The following EXOC7 variants were observed in gnomAD, a reference collection of about 807,000 sequenced individuals.
The protein encoded by EXOC7 is exocyst complex component Exo70.
EXOC7 carries 51 observed loss-of-function variants against 87.6 expected under a neutral mutation model. That is an observed-to-expected ratio of 0.58 (90% CI 0.46 to 0.73). EXOC7 has a LOEUF of 0.73. Among genes scored for constraint, EXOC7 ranks in the 30% least tolerant of loss-of-function variants. The pLI, the probability that EXOC7 is intolerant of heterozygous loss-of-function variation, is 0.00. For missense variants in EXOC7, 744 were observed against 888.4 expected (o/e 0.84, Z 2.07); for synonymous variants, 327 against 357.1 (o/e 0.92, Z 0.95).
intron 5 of EXOC7, among the ~76,000 whole-genome samples, chr17:76,097,562 G>A (rs1309826547): frequency 6.6e-6 from 1 of 152,010 alleles, no homozygotes; most frequent in Non-Finnish European, 1.5e-5. Context: ...AACTTAGCCA[G>A]GCATGGTGGC....
chr17:76,099,342 C>A (rs1469930618), intron 4 of EXOC7, among the ~76,000 whole-genome samples: 1 of 152,052 alleles, frequency 6.6e-6, no homozygotes, highest in Non-Finnish European at 1.5e-5. Context: ...CCCGTTTCTA[C>A]TAAAAATACA....
At chr17:76,103,549 G>A in intron 1 of EXOC7, 84 bp downstream of exon 1, 2 of 1,574,680 alleles carry the variant, frequency 1.3e-6, no homozygotes, top group South Asian at 2.3e-5. Context: ...TCCCACCCCT[G>A]CCTCCTCCAT....
At chr17:76,085,565 A>T (rs1294621684) in intron 14 of EXOC7, 112 bp downstream of exon 14, 1 of 1,553,752 alleles carries the variant, frequency 6.4e-7, no homozygotes, top group Non-Finnish European at 8.8e-7. Context: ...AGACTGAAGC[A>T]CCCCCTCCCC....
intron 11 of EXOC7, 44 bp from the exon 12 acceptor site, chr17:76,087,764 G>C: frequency 6.5e-7 from 1 of 1,543,056 alleles, no homozygotes; most frequent in Non-Finnish European, 8.8e-7. Context: ...TGGCAGGCCC[G>C]GCCGACGGCC....
At position 76,091,231 on chromosome 17, in the gene EXOC7, C is replaced by A. The variant is rs1319652692; in HGVS notation, c.813G>T (p.Thr271=). The change falls in exon 7 of 19, where the codon ACG becomes ACT. Residue 271 remains threonine, a synonymous_variant. Coordinates refer to ENST00000589210, the MANE Select transcript of EXOC7 (RefSeq NM_001013839.4). The part of the protein sequence containing the change: ...PTKKPVKRPG[T]IRKAQNLLKQ... ...TCAGAAGGTTCTGAGCCTTACGGAT[C>A]GTCCCTGTCACCAGAGCCACACAGA... The A allele has an allele frequency of 9.9e-6, 16 of 1,613,838 alleles. No homozygotes were observed. In the Admixed American group the frequency reaches 1.3e-4, roughly 13 times the overall value.
rs921532694 is a variant in EXOC7 at position 76,089,386 on chromosome 17, G to A, written c.902-66C>T. The A allele has an allele frequency of 5.5e-5, 88 of 1,588,188 alleles. No homozygotes were observed. In the African/African-American group the frequency reaches 6.2e-4, roughly 11 times the overall value. On this transcript the variant is annotated intron_variant, in intron 7 of 18. Transcript: ENST00000589210. ...AGCCACACTCCTGGCTGGGGGCGGC[G>A]TGGGTCCCCCAGCTCCTGGCCTGTA...
At chr17:76,097,492 T>C (rs568168667) in intron 5 of EXOC7, among the ~76,000 whole-genome samples, 1 of 151,316 alleles carries the variant, frequency 6.6e-6, no homozygotes, top group Admixed American at 6.6e-5. Flanking sequence ...TCACCTGAGG[T>C]CAGAAGTTCA....
At chr17:76,102,295 C>G (rs533425673) in intron 2 of EXOC7, among the ~76,000 whole-genome samples, 1 of 152,124 alleles carries the variant, frequency 6.6e-6, no homozygotes, top group Non-Finnish European at 1.5e-5. Flanking sequence ...GGACTAGAGG[C>G]TGGGCGTGAT....
Position 76,082,035 on chromosome 17 carries a change from C to T in EXOC7, c.*1613G>A. On this transcript the variant is annotated 3_prime_UTR_variant, in exon 19 of 19. Transcript: ENST00000589210. Reference sequence around the variant, plus strand: ...CAGCGAGAGCACGGCAACCCAGGGCCTCATCCTGCTGAAGGTGGGCAGGGG... The same window carrying T: ...CAGCGAGAGCACGGCAACCCAGGGCTTCATCCTGCTGAAGGTGGGCAGGGG... 6.2e-7 allele frequency: 1 copy of T among 1,608,968 alleles called. No individual in the cohort carries two copies. Among genetic ancestry groups the T allele is most frequent in the Non-Finnish European group, 8.5e-7 (1 of 1,178,356 alleles).
rs959361750 is a variant in EXOC7, at chr17:76,087,739, G to A, written c.1363-19C>T. 6.5e-7 allele frequency: 1 copy of A among 1,550,380 alleles called. No homozygotes were observed. The highest frequency in any genetic ancestry group is 1.4e-5 in the African/African-American group (1 of 73,058). On this transcript the variant is annotated intron_variant, in intron 11 of 18. Transcript: ENST00000589210. ...GGATGGCCTGGGTGGGAAGAAAACG[G>A]TGCAGAAGGGCAAGTGGCAGGCCCG...
chr17:76,086,006 A>G, intron 13 of EXOC7, 74 bp downstream of exon 13: 1 of 1,570,990 alleles, frequency 6.4e-7, no homozygotes, highest in Non-Finnish European at 8.7e-7. Flanking sequence ...ATAGCCAGAG[A>G]GCACAGACAG....
chr17:76,095,246 G>A (rs1314851848), intron 5 of EXOC7, among the ~76,000 whole-genome samples: 1 of 150,902 alleles, frequency 6.6e-6, no homozygotes, highest in Non-Finnish European at 1.5e-5. Flanking sequence ...ACAGGCATGA[G>A]CCACCGCCCA....
intron 6 of EXOC7, 166 bp downstream of exon 6, chr17:76,094,248 A>T: frequency 1.5e-6 from 1 of 667,558 alleles, no homozygotes; most frequent in Non-Finnish European, 2.4e-6. Flanking sequence ...GGGGGGCTTC[A>T]CTGGGTGGGT....
chr17:76,086,797 A>C, intron 12 of EXOC7: 2 of 1,483,700 alleles, frequency 1.3e-6, no homozygotes, highest in Non-Finnish European at 1.8e-6. Context: ...TCCCCAGGGA[A>C]CCTCACCCAC....
At chr17:76,103,462 CA>C (rs763706202) in intron 1 of EXOC7, 36 bp from the exon 2 acceptor site, 1 of 1,575,728 alleles carries the variant, frequency 6.3e-7, no homozygotes, top group East Asian at 2.3e-5. Flanking sequence ...CACCAGAAAC[CA>C]GAAGCTAAAG....
intron 4 of EXOC7, 194 bp downstream of exon 4, chr17:76,101,077 T>TATAATAAAGAATTTTTA: frequency 9.2e-7 from 1 of 1,082,396 alleles, no homozygotes; most frequent in Non-Finnish European, 1.2e-6. Flanking sequence ...TAACAAGTTT[T>TATAATAAAGAATTTTTA]ATAATAAAGA....
At chr17:76,086,473 T>C (rs1027837570) in intron 12 of EXOC7, among the ~76,000 whole-genome samples, 5 of 152,142 alleles carry the variant, frequency 3.3e-5, no homozygotes, top group African/African-American at 1.2e-4. Context: ...CCTTTTTCCT[T>C]TTGTCAACAG....
chr17:76,087,426 G>A (rs1016525656), intron 12 of EXOC7: 19 of 573,440 alleles, frequency 3.3e-5, no homozygotes, highest in South Asian at 1.5e-4. Context: ...CTTCCAGGGC[G>A]AGGACGGTCA....
rs1295314553 is a variant in EXOC7, at chr17:76,082,448, T to C, written c.*1200A>G. 6.3e-7 allele frequency: 1 copy of C among 1,589,708 alleles called. No individual in the cohort carries two copies. Among genetic ancestry groups the C allele is most frequent in the East Asian group, 2.2e-5 (1 of 44,454 alleles). ...CCTTGAAGAACAGCTCCTTTCCCTG[T>C]ATCTCTCCCCACAGAGCCCTCCAGA... On this transcript the variant is annotated 3_prime_UTR_variant, in exon 19 of 19. Coordinates refer to ENST00000589210, the MANE Select transcript of EXOC7 (RefSeq NM_001013839.4).
Sources: gnomAD v4.1 joint callset for allele counts (sites outside exome capture counted in the v4.1 genomes callset) on GRCh38, gnomAD v4.1.1 for gene constraint, MANE v1.5 for transcripts, NCBI Gene and HGNC (gene_info 2026-07-23, HGNC 2026-07-21) for gene names.